RSF1: variants seen among roughly 807,000 people sequenced by gnomAD.
The protein encoded by RSF1 is HBV pX-associated protein 8.
A neutral mutation model predicts 145.2 loss-of-function variants in RSF1; 13 were observed. That is an observed-to-expected ratio of 0.09 (90% CI 0.06 to 0.14). RSF1 has a LOEUF of 0.14. RSF1 is among the 10% of genes least tolerant of loss of function. The probability of loss-of-function intolerance (pLI) is 1.00; values close to 1 mark genes in which losing one functional copy is unlikely to be tolerated. For synonymous variants in RSF1, 577 were observed against 592.6 expected (o/e 0.97, Z 0.38); for missense variants, 1,517 against 1,718.2 (o/e 0.88, Z 2.07).
At chr11:77,869,663 G>A in the RSF1 span, 1 of 1,460,430 alleles carries the variant, frequency 6.8e-7, no homozygotes, top group East Asian at 2.3e-5. Context: ...CCACAAGAAT[G>A]CCTATTGCAA....
intron 5 of RSF1, among the ~76,000 whole-genome samples, chr11:77,712,204 T>G (rs1960703134): frequency 6.6e-6 from 1 of 152,136 alleles, no homozygotes; most frequent in Admixed American, 6.6e-5. Flanking sequence ...ACGGGGGTGG[T>G]TCCCCCATAC....
the RSF1 span, among the ~76,000 whole-genome samples, chr11:77,834,529 C>G: frequency 6.7e-6 from 1 of 150,152 alleles, no homozygotes; most frequent in Non-Finnish European, 1.5e-5. Context: ...ATTCTCCTGC[C>G]TCAGCCTCCT....
At chr11:77,721,896 T>C (rs1960948845) in intron 5 of RSF1, among the ~76,000 whole-genome samples, 1 of 152,248 alleles carries the variant, frequency 6.6e-6, no homozygotes, top group Admixed American at 6.5e-5. Flanking sequence ...AGGTAGGCTG[T>C]GCGCAGTTGC....
At chr11:77,781,417 T>G (rs983317185) in intron 1 of RSF1, among the ~76,000 whole-genome samples, 1 of 152,200 alleles carries the variant, frequency 6.6e-6, no homozygotes, top group Non-Finnish European at 1.5e-5. Context: ...TTGACTATTA[T>G]AAATAAAGCT....
rs1408734346 is a variant in RSF1 at position 77,747,125 on chromosome 11, A to T, written c.283T>A (p.Cys95Ser). Residue 95 changes from cysteine to serine, a missense_variant, in exon 3 of 16, where the codon TGC (cysteine) becomes AGC (serine). Around this residue, in one of 12 missense-constraint regions of RSF1, gnomAD observed 94 missense variants for 143.6 expected, o/e 0.65. Transcript: ENST00000308488. The part of the protein sequence containing the change: ...DRWEKYLIKI[C>S]QEFNSTWAWE... ...GCCCAGGTACTGTTAAACTCTTGGC[A>T]TATCTGTCAGATAAAGTTAATATCT... The T allele has an allele frequency of 6.2e-7, 1 of 1,602,020 alleles. No homozygotes were observed. The highest frequency in any genetic ancestry group is 8.5e-7 in the Non-Finnish European group (1 of 1,170,474).
the RSF1 span, among the ~76,000 whole-genome samples, chr11:77,859,210 C>T: frequency 6.6e-6 from 1 of 152,214 alleles, no homozygotes; most frequent in African/African-American, 2.4e-5. Context: ...GGCTTGGTTT[C>T]CCAGAGGGGA....
chr11:77,738,323 C>T (rs1284640202), intron 4 of RSF1, among the ~76,000 whole-genome samples: 5 of 152,054 alleles, frequency 3.3e-5, no homozygotes, highest in Non-Finnish European at 7.4e-5. Context: ...CATTAGCCCC[C>T]CCATATCCAC....
At chr11:77,763,895 A>T (rs1185199542) in intron 2 of RSF1, 1 of 151,896 alleles carries the variant, frequency 6.6e-6, no homozygotes, top group East Asian at 1.9e-4. Flanking sequence ...TGCGGAAGAT[A>T]ATTTGTCCAC....
At chr11:77,735,175 G>C (rs1460829548) in intron 4 of RSF1, 3 of 698,334 alleles carry the variant, frequency 4.3e-6, no homozygotes, top group African/African-American at 1.8e-5. Flanking sequence ...CGAGCACCGG[G>C]TTCCGTCCAA....
chr11:77,739,753 T>C (rs1264714176), intron 4 of RSF1, among the ~76,000 whole-genome samples: 4 of 152,214 alleles, frequency 2.6e-5, no homozygotes, highest in Middle Eastern at 3.2e-3. Flanking sequence ...TCCAAATTAA[T>C]ATAATTTGTG....
At chr11:77,747,153 A>C in intron 2 of RSF1, 25 bp from the exon 3 acceptor site, 2 of 1,468,696 alleles carry the variant, frequency 1.4e-6, no homozygotes, top group African/African-American at 2.8e-5. Context: ...TAATATCTTA[A>C]TACATGAAAG....
chr11:77,694,643 C>A (rs1960238769), intron 7 of RSF1, among the ~76,000 whole-genome samples: 1 of 152,172 alleles, frequency 6.6e-6, no homozygotes, highest in South Asian at 2.1e-4. Context: ...CCTCATATAA[C>A]TATGGTACAT....
chr11:77,750,933 A>T (rs988435525), intron 2 of RSF1, among the ~76,000 whole-genome samples: 2 of 152,120 alleles, frequency 1.3e-5, no homozygotes, highest in Admixed American at 6.6e-5. Flanking sequence ...TTCTCCTGAC[A>T]CAACACCAGA....
intron 2 of RSF1, among the ~76,000 whole-genome samples, chr11:77,756,451 A>G (rs1174661596): frequency 3.3e-5 from 5 of 152,156 alleles, no homozygotes; most frequent in African/African-American, 1.2e-4. Context: ...TATTTTAAGT[A>G]CTTTAAAATA....
intron 11 of RSF1, among the ~76,000 whole-genome samples, chr11:77,683,055 G>A (rs1959907014): frequency 6.6e-6 from 1 of 152,166 alleles, no homozygotes; most frequent in African/African-American, 2.4e-5. Flanking sequence ...CACTTCGGGA[G>A]GCTGAAGCGG....
Position 77,713,118 on chromosome 11 carries a change from C to T in RSF1, c.734-10623G>A, listed in dbSNP as rs545840130. ...TGCTCTTAGATTCCTCTCATAAACACATATATGCAGGTATACTAACTCATA... is the reference window on the plus strand; with the variant it reads ...TGCTCTTAGATTCCTCTCATAAACATATATATGCAGGTATACTAACTCATA... On this transcript the variant is annotated intron_variant, in intron 5 of 15. Transcript: ENST00000308488. 3.3e-5 allele frequency among the ~76,000 whole-genome samples: 5 copies of T among 152,294 alleles called. No individual in the cohort carries two copies. The East Asian group carries it at 9.6e-4, about 29-fold the overall frequency.
At chr11:77,868,987 TG>T in the RSF1 span, 1 of 303,030 alleles carries the variant, frequency 3.3e-6, no homozygotes, top group Non-Finnish European at 6.3e-6. Context: ...AACAGCACGT[TG>T]GGTAATACCG....
chr11:77,753,458 G>A (rs1229673197), intron 2 of RSF1, among the ~76,000 whole-genome samples: 2 of 152,162 alleles, frequency 1.3e-5, no homozygotes, highest in African/African-American at 4.8e-5. Context: ...ACACCACTAG[G>A]CTAGGAGGAT....
At chr11:77,687,169 G>A (rs11820380) in intron 9 of RSF1, among the ~76,000 whole-genome samples, 3,091 of 152,228 alleles carry the variant, frequency 0.02, 89 homozygotes, top group African/African-American at 0.069. Context: ...ACATGTGTGT[G>A]TATACATGCA....
Sources: gnomAD v4.1 joint callset for allele counts (sites outside exome capture counted in the v4.1 genomes callset) on GRCh38, gnomAD v4.1.1 for gene constraint, gnomAD v4.1.1 regional missense constraint, MANE v1.5 for transcripts, NCBI Gene and HGNC (gene_info 2026-07-23, HGNC 2026-07-21) for gene names.